Variants in CRPPA observed in about 807,000 individuals in gnomAD.
CRPPA encodes the protein CDP-L-ribitol pyrophosphorylase A, also known as D-ribitol-5-phosphate cytidylyltransferase.
A neutral mutation model predicts 52.0 loss-of-function variants in CRPPA; 43 were observed. The observed-to-expected ratio is 0.83, with a 90% CI of 0.65 to 1.07. The LOEUF is 1.07. CRPPA is among the 50% of genes least tolerant of loss of function. The pLI is 0.00. For missense variants in CRPPA, 629 were observed against 551.7 expected, an observed-to-expected ratio of 1.14 and a Z score of -1.40; for synonymous variants, 250 against 203.5, an observed-to-expected ratio of 1.23 and a Z score of -1.94.
chr7:16,140,240 G>A (rs905858750), intron 9 of CRPPA, among the ~76,000 whole-genome samples: 3 of 151,994 alleles, frequency 2.0e-5, no homozygotes, highest in East Asian at 1.9e-4. Context: ...GTCCACCTCC[G>A]GGGATCAAGT....
At chr7:16,376,337 T>C in intron 2 of CRPPA, 96 bp from the exon 3 acceptor site, 4 of 1,206,058 alleles carry the variant, frequency 3.3e-6, no homozygotes, top group Non-Finnish European at 3.4e-6. Context: ...ATCTTATTCA[T>C]ACCTTCAACA....
At chr7:16,341,756 A>G (rs1785842555) in intron 3 of CRPPA, among the ~76,000 whole-genome samples, 1 of 152,208 alleles carries the variant, frequency 6.6e-6, no homozygotes, top group South Asian at 2.1e-4. Flanking sequence ...ACTTATCTCA[A>G]CAATGAATAT....
chr7:16,202,063 G>A (rs1300233388), intron 9 of CRPPA, among the ~76,000 whole-genome samples: 1 of 152,096 alleles, frequency 6.6e-6, no homozygotes, highest in Non-Finnish European at 1.5e-5. Flanking sequence ...CATGATTGGT[G>A]CTGAATTTAA....
At chr7:16,333,624 A>G (rs1785610067) in intron 3 of CRPPA, among the ~76,000 whole-genome samples, 1 of 152,214 alleles carries the variant, frequency 6.6e-6, no homozygotes, top group African/African-American at 2.4e-5. Context: ...ACCATGGGAA[A>G]CCAAAAAGAG....
intron 3 of CRPPA, among the ~76,000 whole-genome samples, chr7:16,369,035 C>G (rs1417900266): frequency 2.6e-5 from 4 of 152,102 alleles, no homozygotes; most frequent in Admixed American, 2.6e-4. Flanking sequence ...ATGCCATAAA[C>G]TCTTCTAGGT....
At chr7:16,138,672 TAAAGA>T (rs1220003414) in intron 9 of CRPPA, among the ~76,000 whole-genome samples, 4 of 152,214 alleles carry the variant, frequency 2.6e-5, no homozygotes, top group Non-Finnish European at 5.9e-5. Flanking sequence ...CTTATAAAAT[TAAAGA>T]ATAGTGTAAT....
chr7:16,301,429 A>G lies in CRPPA; in HGVS notation c.827T>C (p.Ile276Thr), dbSNP rs1314571093. The change falls in exon 5 of 10, where the codon ATT (isoleucine) becomes ACT (threonine). Residue 276 changes from isoleucine to threonine, a missense_variant. Coordinates refer to ENST00000407010, the MANE Select transcript of CRPPA (RefSeq NM_001101426.4). ...CATAAGGCCAAACATACCCTTAATA[A>G]TCGATTCAGCCGCATAGAGATCTCG... is the stretch of plus-strand genomic sequence containing the variant. ...YKRDLYAAES[I>T]IKERISQEIC... The G allele has an allele frequency of 3.1e-6, 5 of 1,612,630 alleles. No individual in the cohort carries two copies. In the African/African-American group the frequency reaches 5.3e-5, roughly 17 times the overall value.
intron 9 of CRPPA, among the ~76,000 whole-genome samples, chr7:16,108,582 T>C (rs1193258667): frequency 6.6e-6 from 1 of 151,906 alleles, no homozygotes; most frequent in African/African-American, 2.4e-5. Flanking sequence ...TATATTATAC[T>C]TGAACAATAC....
At chr7:16,212,054 T>A (rs1475531093) in intron 9 of CRPPA, among the ~76,000 whole-genome samples, 4 of 150,398 alleles carry the variant, frequency 2.7e-5, no homozygotes, top group Non-Finnish European at 6.0e-5. Flanking sequence ...TTTTACAAAT[T>A]TTTTTTTAAA....
At chr7:16,256,743 T>C (rs1350324628) in intron 8 of CRPPA, among the ~76,000 whole-genome samples, 1 of 151,864 alleles carries the variant, frequency 6.6e-6, no homozygotes, top group Non-Finnish European at 1.5e-5. Context: ...GAGGGGAACA[T>C]CACACACTGG....
chr7:16,098,394 T>C (rs1422799788), intron 9 of CRPPA, among the ~76,000 whole-genome samples: 1 of 152,208 alleles, frequency 6.6e-6, no homozygotes, highest in African/African-American at 2.4e-5. Context: ...TTACATTGTC[T>C]CAGCAAATTC....
At chr7:16,283,549 T>C (rs1300574046) in intron 5 of CRPPA, among the ~76,000 whole-genome samples, 1 of 149,902 alleles carries the variant, frequency 6.7e-6, no homozygotes, top group East Asian at 1.9e-4. Flanking sequence ...AGATATACTA[T>C]ATATGTGTGT....
chr7:16,150,552 A>C lies in CRPPA; in HGVS notation c.1252-58753T>G, dbSNP rs73291891. On this transcript the variant is annotated intron_variant, in intron 9 of 9. Coordinates refer to ENST00000407010, the MANE Select transcript of CRPPA (RefSeq NM_001101426.4). ...CATCAAAAATGTGATATGAAACAGG[A>C]AATCCATGCTATTTTGCTATTTTTA... Among the ~76,000 whole-genome samples, 449 of 152,346 alleles carry C rather than the reference A, an allele frequency of 2.9e-3. 2 individuals carry two copies. The highest frequency in any genetic ancestry group is 0.011 in the African/African-American group (437 of 41,582).
intron 3 of CRPPA, among the ~76,000 whole-genome samples, chr7:16,365,483 A>G (rs1786567097): frequency 6.6e-6 from 1 of 152,210 alleles, no homozygotes. Context: ...TTAACAGAAA[A>G]TGAAACAATG....
At chr7:16,383,409 G>T (rs1226284449) in intron 2 of CRPPA, among the ~76,000 whole-genome samples, 1 of 152,178 alleles carries the variant, frequency 6.6e-6, no homozygotes, top group Admixed American at 6.5e-5. Flanking sequence ...CCTACTGGGG[G>T]GTGCCTCCCA....
At chr7:16,371,678 A>G (rs983072971) in intron 3 of CRPPA, among the ~76,000 whole-genome samples, 1 of 152,050 alleles carries the variant, frequency 6.6e-6, no homozygotes, top group Non-Finnish European at 1.5e-5. Flanking sequence ...AAAAGAACAC[A>G]CTAGATCCCA....
At chr7:16,349,263 T>G (rs1230075440) in intron 3 of CRPPA, among the ~76,000 whole-genome samples, 1 of 152,132 alleles carries the variant, frequency 6.6e-6, no homozygotes, top group East Asian at 1.9e-4. Flanking sequence ...GACAGCAGTC[T>G]GCATAAACAT....
At chr7:16,402,428 C>G (rs572886019) in intron 2 of CRPPA, among the ~76,000 whole-genome samples, 1 of 152,252 alleles carries the variant, frequency 6.6e-6, no homozygotes, top group South Asian at 2.1e-4. Context: ...ATGATAAAGT[C>G]TTGCCAAACA....
intron 3 of CRPPA, among the ~76,000 whole-genome samples, chr7:16,361,885 C>T (rs1351358200): frequency 6.6e-6 from 1 of 152,102 alleles, no homozygotes; most frequent in African/African-American, 2.4e-5. Context: ...GACAGAGTCT[C>T]GCTCTATCGC....
Sources: gnomAD v4.1 joint callset for allele counts (sites outside exome capture counted in the v4.1 genomes callset) on GRCh38, gnomAD v4.1.1 for gene constraint, MANE v1.5 for transcripts, NCBI Gene and HGNC (gene_info 2026-07-23, HGNC 2026-07-21) for gene names.